SPON1: variants seen among roughly 807,000 people sequenced by gnomAD.
The protein encoded by SPON1 is spondin-1.
A neutral mutation model predicts 111.7 loss-of-function variants in SPON1; 52 were observed. That is an observed-to-expected ratio of 0.47 (90% CI 0.37 to 0.59). SPON1 has a LOEUF of 0.59. Ranked by LOEUF, SPON1 falls within the 20% of genes least tolerant of loss-of-function variation. The pLI is 0.00. For synonymous variants in SPON1, 410 were observed against 395.8 expected, an observed-to-expected ratio of 1.04 and a Z score of -0.43; for missense variants, 957 against 1,068.5, an observed-to-expected ratio of 0.90 and a Z score of 1.46.
intron 6 of SPON1, among the ~76,000 whole-genome samples, chr11:14,213,741 G>A (rs1848599947): frequency 1.3e-5 from 2 of 152,220 alleles, no homozygotes; most frequent in African/African-American, 4.8e-5. Flanking sequence ...AAATATTAAA[G>A]TCAGTACATA....
chr11:14,080,077 C>T lies in SPON1; in HGVS notation c.676+56C>T, dbSNP rs1282433623. ...GAAAAGCACATTGTCAAAGTTCTGTCTGGTTATAGGGCACACTAGCTGCAG... is the reference window on the plus strand; with the variant it reads ...GAAAAGCACATTGTCAAAGTTCTGTTTGGTTATAGGGCACACTAGCTGCAG... On this transcript the variant is annotated intron_variant, in intron 5 of 15. Transcript: ENST00000576479. 5 of 1,608,794 alleles carry T rather than the reference C, an allele frequency of 3.1e-6. No individual in the cohort carries two copies. In the African/African-American group the frequency reaches 5.3e-5, roughly 17 times the overall value.
intron 5 of SPON1, among the ~76,000 whole-genome samples, chr11:14,117,154 C>T (rs1245258027): frequency 6.6e-6 from 1 of 151,934 alleles, no homozygotes; most frequent in Non-Finnish European, 1.5e-5. Context: ...CCAATAATTC[C>T]CTTCTAATCT....
intron 2 of SPON1, among the ~76,000 whole-genome samples, chr11:14,031,838 AACT>A (rs1263558565): frequency 5.3e-5 from 8 of 152,336 alleles, no homozygotes; most frequent in African/African-American, 1.9e-4. Flanking sequence ...ACACGTAGGA[AACT>A]AGTAAGAGGT....
At chr11:14,008,874 A>G (rs1554913466) in intron 2 of SPON1, among the ~76,000 whole-genome samples, 1 of 152,178 alleles carries the variant, frequency 6.6e-6, no homozygotes, top group African/African-American at 2.4e-5. Context: ...ACCTTACAAC[A>G]AACAAAATTC....
intron 11 of SPON1, among the ~76,000 whole-genome samples, chr11:14,258,892 G>A (rs2133926137): frequency 6.6e-6 from 1 of 152,302 alleles, no homozygotes; most frequent in Non-Finnish European, 1.5e-5. Flanking sequence ...AAGCTGAGGA[G>A]CTGAGGTCCT....
chr11:14,136,063 A>G (rs1309240456), intron 6 of SPON1, among the ~76,000 whole-genome samples: 1 of 152,224 alleles, frequency 6.6e-6, no homozygotes. Flanking sequence ...GTGTGGGCCC[A>G]GGAGCAGTCC....
intron 4 of SPON1, among the ~76,000 whole-genome samples, chr11:14,077,732 A>G (rs892872970): frequency 6.6e-6 from 1 of 151,818 alleles, no homozygotes; most frequent in Non-Finnish European, 1.5e-5. Flanking sequence ...TGATCCGCTC[A>G]TCTCTGCCTC....
At position 14,259,135 on chromosome 11, in the gene SPON1, T is replaced by A; in HGVS notation, c.1493-145T>A. On this transcript the variant is annotated intron_variant, in intron 11 of 15. Transcript: ENST00000576479. This position sits in a 1 kb window ranked among gnomAD's most constrained non-coding sequence, Gnocchi z 5.0. ...TTTCCTCTTAGAGAACTTTGCCAGT[T>A]TAAGGATTTAGACCTCTTAGGTGTG... The A allele has an allele frequency of 1.3e-6, 1 of 796,456 alleles. No individual in the cohort carries two copies. The highest frequency in any genetic ancestry group is 1.9e-6 in the Non-Finnish European group (1 of 527,442). 49.3% of individuals were successfully genotyped at this position (796,456 alleles called of 1,614,324 possible).
At chr11:14,089,225 T>C (rs1849030716) in intron 5 of SPON1, among the ~76,000 whole-genome samples, 1 of 152,272 alleles carries the variant, frequency 6.6e-6, no homozygotes, top group Non-Finnish European at 1.5e-5. Context: ...GTTTTTGGAA[T>C]TTTCAGCATT....
chr11:14,016,202 G>A (rs1278430292), intron 2 of SPON1, among the ~76,000 whole-genome samples: 5 of 152,182 alleles, frequency 3.3e-5, no homozygotes, highest in Non-Finnish European at 5.9e-5. Context: ...TCCTTTCTCA[G>A]TGTTTACTAT....
intron 2 of SPON1, among the ~76,000 whole-genome samples, chr11:14,016,661 G>A (rs1848446425): frequency 6.6e-6 from 1 of 151,858 alleles, no homozygotes; most frequent in African/African-American, 2.4e-5. Context: ...AAGAATTTAG[G>A]ATAGCTCATA....
At chr11:14,163,708 A>G (rs1314687404) in intron 6 of SPON1, among the ~76,000 whole-genome samples, 1 of 152,204 alleles carries the variant, frequency 6.6e-6, no homozygotes, top group Non-Finnish European at 1.5e-5. Context: ...CAAAGGCTTC[A>G]GAAACTTACT....
chr11:14,160,469 T>A (rs868982792), intron 6 of SPON1, among the ~76,000 whole-genome samples: 1 of 16,504 alleles, frequency 6.1e-5, no homozygotes, highest in African/African-American at 2.7e-4. Flanking sequence ...ATATATATAT[T>A]TATATATATA....
intron 2 of SPON1, among the ~76,000 whole-genome samples, chr11:13,993,350 C>A (rs898528041): frequency 3.3e-5 from 5 of 151,916 alleles, no homozygotes; most frequent in Non-Finnish European, 7.4e-5. Flanking sequence ...TCAGAAAACA[C>A]AGAGCCTCTC....
At chr11:14,148,841 A>C (rs1392369394) in intron 6 of SPON1, among the ~76,000 whole-genome samples, 1 of 152,226 alleles carries the variant, frequency 6.6e-6, no homozygotes, top group African/African-American at 2.4e-5. Context: ...TGGACTTTTC[A>C]ATGAATACTT....
chr11:14,258,019 G>T, intron 11 of SPON1, 121 bp downstream of exon 11: 3 of 929,628 alleles, frequency 3.2e-6, no homozygotes, highest in Non-Finnish European at 3.0e-6. Flanking sequence ...TGTCAGTGGG[G>T]TCCACCTTGG....
At chr11:14,204,156 C>T (rs1166249562) in intron 6 of SPON1, among the ~76,000 whole-genome samples, 1 of 152,240 alleles carries the variant, frequency 6.6e-6, no homozygotes, top group African/African-American at 2.4e-5. Flanking sequence ...AGAGCTGTAG[C>T]TTTCAAATTG....
At chr11:14,192,960 C>T (rs1848364181) in intron 6 of SPON1, among the ~76,000 whole-genome samples, 1 of 152,070 alleles carries the variant, frequency 6.6e-6, no homozygotes, top group Admixed American at 6.6e-5. Context: ...CTGGTGTTTC[C>T]CACCAACTTG....
intron 3 of SPON1, among the ~76,000 whole-genome samples, chr11:14,066,879 C>T (rs1263286721): frequency 1.3e-5 from 2 of 152,122 alleles, no homozygotes; most frequent in South Asian, 4.2e-4. Context: ...CCCTCACTCC[C>T]ACCAAAAACC....
Sources: allele counts gnomAD v4.1 joint callset (sites outside exome capture counted in the v4.1 genomes callset), GRCh38; gene constraint gnomAD v4.1.1; non-coding constraint Gnocchi (gnomAD v3.1); transcripts MANE v1.5; gene names NCBI Gene and HGNC (gene_info 2026-07-23, HGNC 2026-07-21).